Variants in ULBP2 observed in about 807,000 individuals in gnomAD.
The protein encoded by ULBP2 is UL16-binding protein 2.
ULBP2 carries 21 observed loss-of-function variants against 23.6 expected under a neutral mutation model. That is an observed-to-expected ratio of 0.89 (90% CI 0.63 to 1.28). The LOEUF (loss-of-function observed/expected upper bound fraction) is 1.28. Ranked by LOEUF, ULBP2 falls within the 50% of genes most tolerant of loss-of-function variation. ULBP2 has a pLI of 0.00. For missense variants in ULBP2, 251 were observed against 306.0 expected, an observed-to-expected ratio of 0.82 and a Z score of 1.34; for synonymous variants, 82 against 112.8, an observed-to-expected ratio of 0.73 and a Z score of 1.73.
rs796167103 is a variant in ULBP2, at chr6:149,944,308, C to T, written c.86-1001C>T. Reference sequence around the variant, plus strand: ...GGGTGGGTTTGCATCTCTTTTGGACCTTGGACCCCTTTGTTCTATGAGCCA... The same window carrying T: ...GGGTGGGTTTGCATCTCTTTTGGACTTTGGACCCCTTTGTTCTATGAGCCA... On this transcript the variant is annotated intron_variant, in intron 1 of 4. Coordinates refer to ENST00000367351, the MANE Select transcript of ULBP2 (RefSeq NM_025217.4). Among the ~76,000 whole-genome samples, 5 of 151,718 alleles carry T rather than the reference C, an allele frequency of 3.3e-5. 1 individual carries two copies. Among genetic ancestry groups the T allele is most frequent in the South Asian group, 4.2e-4 (2 of 4,816 alleles).
In ULBP2 at chr6:149,945,320, C is replaced by G. The variant is rs755999343; in HGVS notation, c.97C>G (p.Leu33Val). 1.7e-5 allele frequency: 27 copies of G among 1,611,134 alleles called. No homozygotes were observed. The highest frequency in any genetic ancestry group is 2.2e-5 in the Non-Finnish European group (26 of 1,179,516). ...GCCTTTCTCCACAGACCCTCACTCT[C>G]TTTGCTATGACATCACCGTCATCCC... The part of the protein sequence containing the change: ...SRAGRADPHS[L>V]CYDITVIPKF... The change falls in exon 2 of 5, where the codon CTT becomes GTT. Residue 33 changes from leucine to valine, a missense_variant. Physicochemically the swap from Leu to Val is conservative, Grantham distance 32. Transcript: ENST00000367351.
At chr6:149,942,842 G>A (rs1247719944) in intron 1 of ULBP2, among the ~76,000 whole-genome samples, 1 of 152,002 alleles carries the variant, frequency 6.6e-6, no homozygotes, top group Admixed American at 6.5e-5. Flanking sequence ...TCTGCCTCTT[G>A]CCTGAGGACA....
rs1778983826 is a variant in ULBP2 at position 149,948,982 on chromosome 6, CAAG to C, written c.*284_*286del. The C allele has an allele frequency of 4.1e-6, 1 of 244,514 alleles. No individual in the cohort carries two copies. Among genetic ancestry groups the C allele is most frequent in the Non-Finnish European group, 8.2e-6 (1 of 121,856 alleles). The allele number at this position is 244,514 out of a possible 1,614,324, so 15.1% of individuals were successfully genotyped here. On this transcript the variant is annotated 3_prime_UTR_variant, in exon 5 of 5. Coordinates refer to ENST00000367351, the MANE Select transcript of ULBP2 (RefSeq NM_025217.4). ...GCACTTAAAGTTCTGGCTGACTAAACAAGATATATCATTTTCTTTCTTCTCTTT... is the reference window on the plus strand; with the variant it reads ...GCACTTAAAGTTCTGGCTGACTAAACATATATCATTTTCTTTCTTCTCTTT...
chr6:149,942,169 G>C lies in ULBP2; in HGVS notation c.85+12G>C. ...GGCTGGGCGAGCCGGTGAGTTCGTG[G>C]ATGGAGCCTAAGCCGGGCGGGGACC... On this transcript the variant is annotated intron_variant, in intron 1 of 4. Transcript: ENST00000367351. The C allele has an allele frequency of 6.2e-7, 1 of 1,612,712 alleles. No homozygotes were observed. Among genetic ancestry groups the C allele is most frequent in the Non-Finnish European group, 8.5e-7 (1 of 1,179,558 alleles).
intron 1 of ULBP2, among the ~76,000 whole-genome samples, chr6:149,943,980 C>T (rs1401344463): frequency 6.6e-6 from 1 of 151,926 alleles, no homozygotes; most frequent in Non-Finnish European, 1.5e-5. Context: ...TGAGTAGTTA[C>T]AATGGAGAAT....
At chr6:149,944,921 AC>A (rs1402155836) in intron 1 of ULBP2, among the ~76,000 whole-genome samples, 1 of 145,250 alleles carries the variant, frequency 6.9e-6, no homozygotes, top group Non-Finnish European at 1.5e-5. Flanking sequence ...ACAGGGGTGG[AC>A]CCACACCCTC....
chr6:149,946,410 A>C lies in ULBP2; in HGVS notation c.388A>C (p.Lys130Gln). 2 of 1,614,116 alleles carry C rather than the reference A, an allele frequency of 1.2e-6. No homozygotes were observed. The highest frequency in any genetic ancestry group is 1.7e-6 in the Non-Finnish European group (2 of 1,180,010). ...GCAGGCAAGGATGTCTTGTGAGCAGAAAGCTGAAGGACACAGCAGTGGATC... is the reference window on the plus strand; with the variant it reads ...GCAGGCAAGGATGTCTTGTGAGCAGCAAGCTGAAGGACACAGCAGTGGATC... ...TLQARMSCEQ[K>Q]AEGHSSGSWQ... is the part of the protein sequence containing the mutation. Residue 130 changes from lysine to glutamine, a missense_variant, in exon 3 of 5, where the codon AAA becomes CAA. Lys to Gln is a moderately conservative substitution (Grantham distance 53, BLOSUM62 1). Coordinates refer to ENST00000367351, the MANE Select transcript of ULBP2 (RefSeq NM_025217.4).
At chr6:149,947,948 A>T (rs1282083693) in intron 4 of ULBP2, among the ~76,000 whole-genome samples, 2 of 152,262 alleles carry the variant, frequency 1.3e-5, no homozygotes, top group Non-Finnish European at 2.9e-5. Flanking sequence ...GGTACACCTA[A>T]TTGAAAAGGA....
At chr6:149,942,860 G>A (rs7748709) in intron 1 of ULBP2, among the ~76,000 whole-genome samples, 3,163 of 152,014 alleles carry the variant, frequency 0.021, 119 homozygotes, top group African/African-American at 0.073. Flanking sequence ...ACACACCCCA[G>A]CAAACACACC....
intron 4 of ULBP2, among the ~76,000 whole-genome samples, chr6:149,948,490 C>T (rs1169460438): frequency 6.6e-6 from 1 of 152,168 alleles, no homozygotes. Flanking sequence ...TTCAGACCTG[C>T]AGGCCCCTCC....
chr6:149,945,670 C>G lies in ULBP2; in HGVS notation c.349+98C>G, dbSNP rs1235277477. On this transcript the variant is annotated intron_variant, in intron 2 of 4. Coordinates refer to ENST00000367351, the MANE Select transcript of ULBP2 (RefSeq NM_025217.4). Reference sequence around the variant, plus strand: ...TAAAAATACAAAAGGGTCCTGGGCACGGTGGCTCACGCCTGTAGTCCCAGC... The same window carrying G: ...TAAAAATACAAAAGGGTCCTGGGCAGGGTGGCTCACGCCTGTAGTCCCAGC... The G allele has an allele frequency of 1.9e-6, 3 of 1,602,340 alleles. No individual in the cohort carries two copies. The East Asian group carries it at 6.7e-5, about 36-fold the overall frequency.
At chr6:149,943,124 C>T (rs1243316082) in intron 1 of ULBP2, among the ~76,000 whole-genome samples, 1 of 152,166 alleles carries the variant, frequency 6.6e-6, no homozygotes, top group Non-Finnish European at 1.5e-5. Flanking sequence ...GTGTCCAGTC[C>T]TGTCCCTTTG....
intron 1 of ULBP2, among the ~76,000 whole-genome samples, chr6:149,943,908 G>T (rs1374317039): frequency 1.3e-5 from 2 of 151,932 alleles, no homozygotes; most frequent in Non-Finnish European, 2.9e-5. Context: ...CTTAAGGTAG[G>T]TCCAGCCTCG....
chr6:149,947,183 T>A, intron 3 of ULBP2, 137 bp from the exon 4 acceptor site: 3 of 1,530,168 alleles, frequency 2.0e-6, no homozygotes, highest in Middle Eastern at 1.8e-4. Context: ...GGACCTGTCA[T>A]ACTGGCTGCC....
At chr6:149,947,670 G>C (rs2114688327) in intron 4 of ULBP2, among the ~76,000 whole-genome samples, 1 of 152,286 alleles carries the variant, frequency 6.6e-6, no homozygotes, top group African/African-American at 2.4e-5. Flanking sequence ...TCAGAGTCCA[G>C]AGGGAAAGGG....
At chr6:149,942,895 A>AG (rs779064990) in intron 1 of ULBP2, among the ~76,000 whole-genome samples, 10 of 152,242 alleles carry the variant, frequency 6.6e-5, no homozygotes, top group East Asian at 3.9e-4. Context: ...GAACCTGTGC[A>AG]GGGGGGATGG....
intron 4 of ULBP2, among the ~76,000 whole-genome samples, chr6:149,948,275 AGCAATGGGT>A (rs1778973676): frequency 6.6e-6 from 1 of 152,130 alleles, no homozygotes; most frequent in South Asian, 2.1e-4. Context: ...TCACCTTCAG[AGCAATGGGT>A]GCTGCTCCCA....
intron 1 of ULBP2, 134 bp downstream of exon 1, chr6:149,942,291 C>A: frequency 3.3e-6 from 3 of 917,670 alleles, no homozygotes; most frequent in Middle Eastern, 3.5e-4. Flanking sequence ...CGTTCAGTTC[C>A]GGTCGGCGGC....
At chr6:149,946,848 C>G in intron 3 of ULBP2, 195 bp downstream of exon 3, 1 of 966,800 alleles carries the variant, frequency 1.0e-6, no homozygotes. Context: ...CCTCCTGACT[C>G]CTATTCCTCA....
Sources: allele counts gnomAD v4.1 joint callset (sites outside exome capture counted in the v4.1 genomes callset), GRCh38; gene constraint gnomAD v4.1.1; transcripts MANE v1.5; gene names NCBI Gene and HGNC (gene_info 2026-07-23, HGNC 2026-07-21).